Variants in TNRC6B observed in about 807,000 individuals in gnomAD.
The protein encoded by TNRC6B is trinucleotide repeat-containing gene 6B protein.
In TNRC6B, 52 loss-of-function variants were observed where a neutral mutation model predicts 203.6. The ratio of observed to expected loss-of-function variants is 0.26; its 90% CI spans 0.20 to 0.32. The LOEUF (loss-of-function observed/expected upper bound fraction) is 0.32. Among genes scored for constraint, TNRC6B ranks in the 10% least tolerant of loss-of-function variants. TNRC6B has a pLI of 1.00. For synonymous variants in TNRC6B, 838 were observed against 845.7 expected (o/e 0.99, Z 0.16); for missense variants, 1,923 against 2,286.2 (o/e 0.84, Z 3.24).
chr22:40,128,114 C>T (rs1239995970), intron 3 of TNRC6B, among the ~76,000 whole-genome samples: 2 of 152,154 alleles, frequency 1.3e-5, no homozygotes, highest in Admixed American at 6.5e-5. Flanking sequence ...TCTTTTTATA[C>T]TTGCACTAAG....
chr22:40,090,397 CATT>C (rs58211930), intron 1 of TNRC6B, among the ~76,000 whole-genome samples: 6,636 of 142,318 alleles, frequency 0.047, 437 homozygotes, highest in African/African-American at 0.16. Context: ...AGTGGCATCT[CATT>C]GTTTTTTTTT....
chr22:40,050,883 G>A (rs2067738802), intron 1 of TNRC6B, among the ~76,000 whole-genome samples: 1 of 150,764 alleles, frequency 6.6e-6, no homozygotes, highest in African/African-American at 2.4e-5. Flanking sequence ...GGAGTGTAGT[G>A]GCGTGATCTC....
chr22:40,219,355 T>C (rs1372046244), intron 1 of TNRC6B, among the ~76,000 whole-genome samples: 1 of 151,910 alleles, frequency 6.6e-6, no homozygotes, highest in East Asian at 1.9e-4. Flanking sequence ...AGAAAGTCAT[T>C]TATGGAGGTG....
chr22:40,247,367 C>T (rs967460440), intron 2 of TNRC6B, among the ~76,000 whole-genome samples: 3 of 152,188 alleles, frequency 2.0e-5, no homozygotes, highest in African/African-American at 7.2e-5. Flanking sequence ...GGCAGTCACA[C>T]ACAAGCCAGT....
intron 1 of TNRC6B, chr22:40,106,983 G>T: frequency 8.4e-7 from 1 of 1,192,414 alleles, no homozygotes; most frequent in Non-Finnish European, 1.2e-6. Context: ...TTGATCTTCA[G>T]CTCTGCAAAA....
chr22:40,184,697 A>G (rs1342211406), intron 1 of TNRC6B, among the ~76,000 whole-genome samples: 2 of 152,216 alleles, frequency 1.3e-5, no homozygotes. Context: ...TTGGGGACAA[A>G]TGAATGAGTT....
In TNRC6B at chr22:40,245,994, GT is replaced by G; in HGVS notation, c.6-19del. On this transcript the variant is annotated intron_variant, in intron 1 of 22. Transcript: ENST00000454349. ...TGTGAATGTAGATGTATAACCTTCT[GT>G]TATGATGTTACTTTAATAGAGAGAA... 6.6e-7 allele frequency: 1 copy of G among 1,503,804 alleles called. No individual in the cohort carries two copies. Among genetic ancestry groups the G allele is most frequent in the South Asian group, 1.2e-5 (1 of 80,782 alleles). The allele number at this position is 1,503,804 out of a possible 1,614,324, so 93.2% of individuals were successfully genotyped here.
intron 1 of TNRC6B, among the ~76,000 whole-genome samples, chr22:40,206,661 C>A (rs1011948733): frequency 6.6e-6 from 1 of 152,024 alleles, no homozygotes; most frequent in Admixed American, 6.6e-5. Context: ...GATCCCTTGC[C>A]GTAAAGCTGT....
At chr22:40,194,949 C>T (rs2069318314) in intron 1 of TNRC6B, among the ~76,000 whole-genome samples, 1 of 152,196 alleles carries the variant, frequency 6.6e-6, no homozygotes, top group Non-Finnish European at 1.5e-5. Flanking sequence ...GGTCTAGGCC[C>T]TTTGTAAACC....
At chr22:40,142,897 C>G (rs1484836564) in intron 3 of TNRC6B, among the ~76,000 whole-genome samples, 3 of 152,278 alleles carry the variant, frequency 2.0e-5, no homozygotes, top group East Asian at 1.9e-4. Context: ...GAACCATGAC[C>G]TCTATGTCAC....
At chr22:40,239,765 C>T (rs2070001876) in intron 1 of TNRC6B, among the ~76,000 whole-genome samples, 1 of 152,168 alleles carries the variant, frequency 6.6e-6, no homozygotes, top group Admixed American at 6.5e-5. Context: ...GTGTTCTGAA[C>T]TTGCATGCGG....
intron 1 of TNRC6B, among the ~76,000 whole-genome samples, chr22:40,225,759 A>C (rs896576221): frequency 6.6e-6 from 1 of 151,450 alleles, no homozygotes; most frequent in African/African-American, 2.4e-5. Flanking sequence ...AAAAAAAAAA[A>C]AAAAAAAAGA....
At position 40,312,936 on chromosome 22, in the gene TNRC6B, A is replaced by C; in HGVS notation, c.4617A>C (p.Ser1539=). 1 of 1,613,784 alleles carries C rather than the reference A, an allele frequency of 6.2e-7. No individual in the cohort carries two copies. The highest frequency in any genetic ancestry group is 8.5e-7 in the Non-Finnish European group (1 of 1,179,848). ...SNSSLNTSLP[S]PGAWPYSASD... ...CTTCCCTCAACACCTCGCTGCCTTCACCTGGTGCCTGGCCCTACAGTGCCT... is the reference window on the plus strand; with the variant it reads ...CTTCCCTCAACACCTCGCTGCCTTCCCCTGGTGCCTGGCCCTACAGTGCCT... Residue 1539 remains serine (S), a synonymous_variant, in exon 19 of 23, where the codon TCA becomes TCC. Coordinates refer to ENST00000454349, the MANE Select transcript of TNRC6B (RefSeq NM_001162501.2).
At chr22:40,066,822 A>G (rs1226598852) in intron 1 of TNRC6B, among the ~76,000 whole-genome samples, 1 of 151,826 alleles carries the variant, frequency 6.6e-6, no homozygotes, top group Non-Finnish European at 1.5e-5. Flanking sequence ...TTATAAACTT[A>G]CTGATATTTG....
At chr22:40,214,054 T>C (rs1487211316) in intron 1 of TNRC6B, among the ~76,000 whole-genome samples, 1 of 151,966 alleles carries the variant, frequency 6.6e-6, no homozygotes, top group Non-Finnish European at 1.5e-5. Flanking sequence ...GATCACGAGG[T>C]CAGGAGTTTG....
chr22:40,331,740 T>C lies in TNRC6B; in HGVS notation c.*8499T>C. The C allele has an allele frequency of 2.7e-6, 1 of 375,778 alleles. No individual in the cohort carries two copies. Among genetic ancestry groups the C allele is most frequent in the Non-Finnish European group, 4.7e-6 (1 of 211,016 alleles). The allele number at this position is 375,778 out of a possible 1,614,324, so 23.3% of individuals were successfully genotyped here. On this transcript the variant is annotated 3_prime_UTR_variant, in exon 23 of 23. Coordinates refer to ENST00000454349, the MANE Select transcript of TNRC6B (RefSeq NM_001162501.2). Reference sequence around the variant, plus strand: ...TGTAAGGTGAATTGTAACTATGCATTCTGCAAAGGGGGTGGGGAGGAGAGG... The same window carrying C: ...TGTAAGGTGAATTGTAACTATGCATCCTGCAAAGGGGGTGGGGAGGAGAGG...
chr22:40,128,606 C>T (rs973678876), intron 3 of TNRC6B, among the ~76,000 whole-genome samples: 1 of 151,814 alleles, frequency 6.6e-6, no homozygotes. Flanking sequence ...TCACTGCAGC[C>T]TCAACCACCC....
At chr22:40,054,553 T>C (rs567875816) in intron 1 of TNRC6B, among the ~76,000 whole-genome samples, 197 of 152,274 alleles carry the variant, frequency 1.3e-3, no homozygotes, top group African/African-American at 4.4e-3. Context: ...TTAGAAGATA[T>C]CAATTGTATA....
chr22:40,182,265 GA>G (rs971478076), intron 1 of TNRC6B, among the ~76,000 whole-genome samples: 6 of 151,406 alleles, frequency 4.0e-5, no homozygotes, highest in African/African-American at 4.9e-5. Context: ...GAAAAGAAAA[GA>G]AAAAAAAGCC....
Sources: allele counts gnomAD v4.1 joint callset (sites outside exome capture counted in the v4.1 genomes callset), GRCh38; gene constraint gnomAD v4.1.1; transcripts MANE v1.5; gene names NCBI Gene and HGNC (gene_info 2026-07-23, HGNC 2026-07-21).